Variants in TEX10 observed in about 807,000 individuals in gnomAD.
TEX10 encodes testis-expressed protein 10.
TEX10 carries 24 observed loss-of-function variants against 104.4 expected under a neutral mutation model. The observed-to-expected ratio is 0.23, with a 90% CI of 0.17 to 0.32. The LOEUF is 0.32. Among genes scored for constraint, TEX10 ranks in the 10% least tolerant of loss-of-function variants. The pLI, the probability that TEX10 is intolerant of heterozygous loss-of-function variation, is 1.00. For missense variants in TEX10, 921 were observed against 1,083.9 expected (o/e 0.85, Z 2.11); for synonymous variants, 396 against 393.4 (o/e 1.01, Z -0.08).
intron 4 of TEX10, among the ~76,000 whole-genome samples, chr9:100,343,409 C>T (rs1313554519): frequency 6.9e-6 from 1 of 144,074 alleles, no homozygotes; most frequent in East Asian, 2.1e-4. Flanking sequence ...ATCTTTTCAA[C>T]AAATAGTGCT....
chr9:100,343,064 G>T (rs1835212408), intron 4 of TEX10, among the ~76,000 whole-genome samples: 1 of 151,572 alleles, frequency 6.6e-6, no homozygotes, highest in African/African-American at 2.4e-5. Context: ...CAGGAGAATG[G>T]CGTGAACTCG....
intron 13 of TEX10, chr9:100,305,247 T>C (rs1588161786): frequency 6.6e-6 from 1 of 152,346 alleles, no homozygotes; most frequent in East Asian, 1.9e-4. Flanking sequence ...TAAGAGAACC[T>C]GACTACCTCC....
At chr9:100,334,281 CTCTT>C (rs1371668661) in intron 5 of TEX10, among the ~76,000 whole-genome samples, 1 of 151,742 alleles carries the variant, frequency 6.6e-6, no homozygotes, top group Non-Finnish European at 1.5e-5. Context: ...ACACAGATAA[CTCTT>C]AAAGTATCAA....
chr9:100,341,029 C>T (rs1386752663), intron 4 of TEX10, among the ~76,000 whole-genome samples: 1 of 151,984 alleles, frequency 6.6e-6, no homozygotes, highest in African/African-American at 2.4e-5. Context: ...TACAGTGGCA[C>T]TATCTCAGCT....
At chr9:100,351,565 C>T (rs1835450534) in intron 1 of TEX10, among the ~76,000 whole-genome samples, 1 of 152,092 alleles carries the variant, frequency 6.6e-6, no homozygotes, top group Admixed American at 6.6e-5. Context: ...GTAAATGGTA[C>T]AGGACATTCA....
At chr9:100,342,701 C>T (rs904732206) in intron 4 of TEX10, among the ~76,000 whole-genome samples, 3 of 152,020 alleles carry the variant, frequency 2.0e-5, no homozygotes, top group East Asian at 1.9e-4. Flanking sequence ...GAGACACACA[C>T]GTAGAGAAAA....
At chr9:100,344,846 C>G (rs974336747) in intron 4 of TEX10, among the ~76,000 whole-genome samples, 10 of 151,974 alleles carry the variant, frequency 6.6e-5, no homozygotes, top group African/African-American at 1.9e-4. Flanking sequence ...AACTATGTCT[C>G]AAAAATAAAA....
At chr9:100,352,491 G>A (rs1263304550) in intron 1 of TEX10, 3 of 1,551,210 alleles carry the variant, frequency 1.9e-6, no homozygotes, top group Admixed American at 2.0e-5. Flanking sequence ...GGGAAGTGGG[G>A]CCCGATTCAC....
chr9:100,331,042 G>A (rs1834849789), intron 5 of TEX10, among the ~76,000 whole-genome samples: 2 of 151,432 alleles, frequency 1.3e-5, no homozygotes, highest in African/African-American at 4.9e-5. Flanking sequence ...GATCACCTGA[G>A]GTCAGGAGTT....
chr9:100,344,662 T>C lies in TEX10; in HGVS notation c.1137+1410A>G, dbSNP rs760792274. ...GAGTTCAAAACCAGCCTGCCCAACA[T>C]GGTAAAACCCCGTCTCTACTAAAAA... On this transcript the variant is annotated intron_variant, in intron 4 of 14. Transcript: ENST00000374902. 1.2e-3 allele frequency among the ~76,000 whole-genome samples: 188 copies of C among 152,210 alleles called. 5 individuals are homozygous for C. The highest frequency in any genetic ancestry group is 3.4e-3 in the Middle Eastern group (1 of 294).
intron 5 of TEX10, among the ~76,000 whole-genome samples, chr9:100,330,617 G>A (rs957396357): frequency 6.6e-6 from 1 of 152,064 alleles, no homozygotes; most frequent in Non-Finnish European, 1.5e-5. Context: ...TGTGAAATAA[G>A]GAGACATACC....
intron 1 of TEX10, among the ~76,000 whole-genome samples, chr9:100,351,148 A>C (rs1835431377): frequency 6.6e-6 from 1 of 152,032 alleles, no homozygotes; most frequent in South Asian, 2.1e-4. Flanking sequence ...AACTAAACCC[A>C]TTTTAACAAT....
intron 5 of TEX10, among the ~76,000 whole-genome samples, chr9:100,331,188 G>A (rs1341504623): frequency 1.3e-5 from 2 of 152,198 alleles, no homozygotes; most frequent in African/African-American, 4.8e-5. Context: ...TTGAACCCAG[G>A]AGGCGGAGTT....
At chr9:100,340,029 T>C (rs1835135860) in intron 5 of TEX10, among the ~76,000 whole-genome samples, 1 of 152,124 alleles carries the variant, frequency 6.6e-6, no homozygotes, top group South Asian at 2.1e-4. Context: ...GATACATTCA[T>C]CTAGCACAAA....
intron 9 of TEX10, 110 bp from the exon 10 acceptor site, chr9:100,321,881 G>A (rs2118866305): frequency 1.4e-6 from 1 of 737,422 alleles, no homozygotes; most frequent in Non-Finnish European, 2.2e-6. Context: ...GTTTGATTTA[G>A]TAGCTTAAAA....
At position 100,302,253 on chromosome 9, in the gene TEX10, A is replaced by G; in HGVS notation, c.2728T>C (p.Cys910Arg). The change falls in exon 15 of 15, where the codon TGC (cysteine) becomes CGC (arginine). Residue 910 changes from cysteine to arginine, a missense_variant. Cys to Arg is a radical substitution (Grantham distance 180). Transcript: ENST00000374902. ...TGCCCAGTGATATACACGTTGAAGC[A>G]GTAATGTAAGTCTGTGAGCCACTGT... Reference protein sequence around the residue: ...QEQWLTDLHYCFNVYITGHPQ... With the variant: ...QEQWLTDLHYRFNVYITGHPQ... 1 of 1,613,804 alleles carries G rather than the reference A, an allele frequency of 6.2e-7. No individual in the cohort carries two copies. The highest frequency in any genetic ancestry group is 8.5e-7 in the Non-Finnish European group (1 of 1,179,816).
In TEX10 at chr9:100,302,206, C is replaced by T; in HGVS notation, c.2775G>A (p.Leu925=). Reference sequence around the variant, plus strand: ...TATGGCCTCTTCAATACACTGTAGCCAGTGCACTGGGCCCTTGGGGATGCC... The same window carrying T: ...TATGGCCTCTTCAATACACTGTAGCTAGTGCACTGGGCCCTTGGGGATGCC... ...ITGHPQGPSA[L]ATVY The change falls in exon 15 of 15, where the codon CTG becomes CTA. Residue 925 remains leucine, a synonymous_variant. Coordinates refer to ENST00000374902, the MANE Select transcript of TEX10 (RefSeq NM_017746.4). 3.7e-6 allele frequency: 6 copies of T among 1,608,126 alleles called. No homozygotes were observed. Among genetic ancestry groups the T allele is most frequent in the Non-Finnish European group, 5.1e-6 (6 of 1,176,154 alleles).
intron 5 of TEX10, among the ~76,000 whole-genome samples, chr9:100,330,786 A>G (rs1488847557): frequency 6.6e-6 from 1 of 152,254 alleles, no homozygotes; most frequent in African/African-American, 2.4e-5. Context: ...ACTGTGGTAT[A>G]TTCAACAGCA....
At chr9:100,318,571 C>T (rs1397620568) in intron 11 of TEX10, among the ~76,000 whole-genome samples, 1 of 152,118 alleles carries the variant, frequency 6.6e-6, no homozygotes, top group Non-Finnish European at 1.5e-5. Flanking sequence ...TAGTCTTACG[C>T]ATGTAACAAA....
Sources: gnomAD v4.1 joint callset for allele counts (sites outside exome capture counted in the v4.1 genomes callset) on GRCh38, gnomAD v4.1.1 for gene constraint, MANE v1.5 for transcripts, NCBI Gene and HGNC (gene_info 2026-07-23, HGNC 2026-07-21) for gene names.